CCDC141: variants seen among roughly 807,000 people sequenced by gnomAD.
CCDC141 encodes coiled-coil domain-containing protein 141.
CCDC141 carries 168 observed loss-of-function variants against 181.0 expected under a neutral mutation model. That is an observed-to-expected ratio of 0.93 (90% CI 0.82 to 1.05). CCDC141 has a LOEUF of 1.05. Ranked by LOEUF, CCDC141 falls within the 50% of genes least tolerant of loss-of-function variation. CCDC141 has a pLI of 0.00. For missense variants in CCDC141, 1,902 were observed against 1,788.5 expected (o/e 1.06, Z -1.14); for synonymous variants, 666 against 642.3 (o/e 1.04, Z -0.56).
chr2:179,019,321 AT>A (rs1252210180), intron 2 of CCDC141, among the ~76,000 whole-genome samples: 7 of 152,170 alleles, frequency 4.6e-5, no homozygotes, highest in Non-Finnish European at 8.8e-5. Flanking sequence ...CTTTATATTT[AT>A]AAAAAAAAAG....
rs1417546630 is a variant in CCDC141 at position 178,865,834 on chromosome 2, G to A, written c.2657C>T (p.Ala886Val). The A allele has an allele frequency of 6.2e-7, 1 of 1,607,208 alleles. No individual in the cohort carries two copies. Among genetic ancestry groups the A allele is most frequent in the Non-Finnish European group, 8.5e-7 (1 of 1,176,634 alleles). The change falls in exon 17 of 24, where the codon GCT becomes GTT. Residue 886 changes from alanine to valine, a missense_variant. Transcript: ENST00000443758. ...GGACAGGGTCCGTCCATACTCCTCAGCTTTGGCACGCCACTTCATGCTGTC... is the reference window on the plus strand; with the variant it reads ...GGACAGGGTCCGTCCATACTCCTCAACTTTGGCACGCCACTTCATGCTGTC... Reference protein sequence around the residue: ...EEDSMKWRAKAEEYGRTLSRS... With the variant: ...EEDSMKWRAKVEEYGRTLSRS...
chr2:178,819,248 C>T, the CCDC141 span, among the ~76,000 whole-genome samples: 1 of 152,104 alleles, frequency 6.6e-6, no homozygotes, highest in South Asian at 2.1e-4. Flanking sequence ...AGAATATAGA[C>T]TTCAGTCTGT....
chr2:178,875,235 G>A (rs1327081738), intron 12 of CCDC141: 1 of 152,326 alleles, frequency 6.6e-6, no homozygotes, highest in Non-Finnish European at 1.5e-5. Context: ...CAGGACTACA[G>A]GACTGGAAAC....
chr2:178,929,474 C>A (rs758635792), intron 6 of CCDC141, among the ~76,000 whole-genome samples: 8 of 152,052 alleles, frequency 5.3e-5, no homozygotes, highest in Non-Finnish European at 1.0e-4. Flanking sequence ...TCTTTAACTA[C>A]CCACGAGACG....
intron 20 of CCDC141, among the ~76,000 whole-genome samples, chr2:178,852,593 A>G (rs1685210286): frequency 1.3e-5 from 2 of 152,234 alleles, no homozygotes; most frequent in Non-Finnish European, 2.9e-5. Context: ...ATACTACAAA[A>G]TTTATGGCTC....
intron 5 of CCDC141, among the ~76,000 whole-genome samples, chr2:178,957,645 T>C (rs1460672027): frequency 6.6e-6 from 1 of 152,272 alleles, no homozygotes; most frequent in Non-Finnish European, 1.5e-5. Flanking sequence ...TTATTCATAA[T>C]TGCCAAAATT....
intron 2 of CCDC141, among the ~76,000 whole-genome samples, chr2:179,004,690 A>T (rs2042074533): frequency 6.6e-6 from 1 of 152,200 alleles, no homozygotes; most frequent in African/African-American, 2.4e-5. Context: ...CTCTCTAGTA[A>T]GTATCTAAAA....
At chr2:178,974,491 T>C (rs1172033080) in intron 4 of CCDC141, among the ~76,000 whole-genome samples, 1 of 152,172 alleles carries the variant, frequency 6.6e-6, no homozygotes, top group Admixed American at 6.6e-5. Flanking sequence ...GCATACAAAT[T>C]GTTGGTTAAC....
chr2:178,918,790 C>G lies in CCDC141; in HGVS notation c.1015G>C (p.Glu339Gln), dbSNP rs753461524. Residue 339 changes from glutamate (E) to glutamine (Q), a missense_variant, in exon 7 of 24, where the codon GAA (glutamate) becomes CAA (glutamine). Coordinates refer to ENST00000443758, the MANE Select transcript of CCDC141 (RefSeq NM_173648.4). ...LSHQKLSQLQ[E>Q]EFGQLMVERN... ...TCCACCATGAGTTGACCAAATTCTT[C>G]TTGAAGCTGACTGAGTTTCTGGTGA... 23 of 1,550,482 alleles carry G rather than the reference C, an allele frequency of 1.5e-5. No individual in the cohort carries two copies. The highest frequency in any genetic ancestry group is 1.7e-4 in the Middle Eastern group (1 of 6,012).
At chr2:178,980,336 G>GCTA (rs1359645390) in intron 2 of CCDC141, among the ~76,000 whole-genome samples, 1 of 152,064 alleles carries the variant, frequency 6.6e-6, no homozygotes, top group Non-Finnish European at 1.5e-5. Context: ...TGTAGTCCCA[G>GCTA]CTACTCTGGA....
At chr2:178,841,023 A>G (rs1231460557) in intron 22 of CCDC141, among the ~76,000 whole-genome samples, 2 of 152,134 alleles carry the variant, frequency 1.3e-5, no homozygotes, top group Non-Finnish European at 2.9e-5. Context: ...GACTTATATG[A>G]TATGTTTTTA....
At chr2:178,929,604 A>G (rs576248813) in intron 6 of CCDC141, among the ~76,000 whole-genome samples, 60 of 152,314 alleles carry the variant, frequency 3.9e-4, no homozygotes, top group Non-Finnish European at 7.5e-4. Context: ...TCAGTAATGT[A>G]TCTAGGACTA....
the CCDC141 span, among the ~76,000 whole-genome samples, chr2:178,814,993 A>G: frequency 1.3e-5 from 2 of 152,192 alleles, no homozygotes; most frequent in East Asian, 3.9e-4. Flanking sequence ...CAAAACAGGA[A>G]CAGAGGAAAG....
chr2:178,899,732 C>A (rs1262531351), intron 8 of CCDC141, among the ~76,000 whole-genome samples: 2 of 152,160 alleles, frequency 1.3e-5, no homozygotes, highest in Non-Finnish European at 2.9e-5. Context: ...TCAACAATAT[C>A]TGCTTTGCTC....
intron 2 of CCDC141, among the ~76,000 whole-genome samples, chr2:179,043,049 G>A (rs1294744999): frequency 1.3e-5 from 2 of 152,116 alleles, no homozygotes; most frequent in Non-Finnish European, 2.9e-5. Flanking sequence ...TAGTACAACT[G>A]ACCCAACAGA....
chr2:179,005,370 T>A (rs1335989720), intron 2 of CCDC141, among the ~76,000 whole-genome samples: 1 of 152,124 alleles, frequency 6.6e-6, no homozygotes, highest in Non-Finnish European at 1.5e-5. Context: ...ATTGTTTAAA[T>A]AGTTTTAAAA....
Position 178,871,484 on chromosome 2 carries a change from G to T in CCDC141, c.2148C>A (p.Ser716Arg). 3 of 1,613,902 alleles carry T rather than the reference G, an allele frequency of 1.9e-6. No homozygotes were observed. The highest frequency in any genetic ancestry group is 2.5e-6 in the Non-Finnish European group (3 of 1,179,856). Residue 716 changes from serine to arginine, a missense_variant, in exon 14 of 24, where the codon AGC becomes AGA. Transcript: ENST00000443758. Reference protein sequence around the residue: ...MPVSALDLGGSLQFILDLRQK... With the variant: ...MPVSALDLGGRLQFILDLRQK... ...GTCGTAGATCTAAAATGAACTGGAG[G>T]CTCCCTCCGAGGTCAAGTGCAGACA...
In CCDC141 at chr2:178,834,153, C is replaced by A. The variant is rs947613526; in HGVS notation, c.*20G>T. Reference sequence around the variant, plus strand: ...TCTTTAGGCACATGAGAATGATGTCCATTGGTGCCAACACCACAGTTATTG... The same window carrying A: ...TCTTTAGGCACATGAGAATGATGTCAATTGGTGCCAACACCACAGTTATTG... On this transcript the variant is annotated 3_prime_UTR_variant, in exon 24 of 24. Transcript: ENST00000443758. 6.5e-7 allele frequency: 1 copy of A among 1,530,328 alleles called. No individual in the cohort carries two copies. The highest frequency in any genetic ancestry group is 8.8e-7 in the Non-Finnish European group (1 of 1,141,956). The allele number at this position is 1,530,328 out of a possible 1,614,324, so 94.8% of individuals were successfully genotyped here.
intron 2 of CCDC141, among the ~76,000 whole-genome samples, chr2:178,983,561 C>T (rs1575303131): frequency 6.9e-6 from 1 of 145,088 alleles, no homozygotes; most frequent in African/African-American, 2.5e-5. Flanking sequence ...AAGTTGAAAA[C>T]TTTGAAAAAA....
Sources: allele counts gnomAD v4.1 joint callset (sites outside exome capture counted in the v4.1 genomes callset), GRCh38; gene constraint gnomAD v4.1.1; transcripts MANE v1.5; gene names NCBI Gene and HGNC (gene_info 2026-07-23, HGNC 2026-07-21).